Variants in SYBU observed in about 807,000 individuals in gnomAD.
The protein encoded by SYBU is syntabulin.
In SYBU, 21 loss-of-function variants were observed where a neutral mutation model predicts 35.9. The observed-to-expected ratio is 0.58, with a 90% CI of 0.41 to 0.84. SYBU has a LOEUF of 0.84. SYBU is among the 40% of genes least tolerant of loss of function. The pLI, the probability that SYBU is intolerant of heterozygous loss-of-function variation, is 0.00. For missense variants in SYBU, 768 were observed against 848.2 expected, an observed-to-expected ratio of 0.91 and a Z score of 1.17; for synonymous variants, 319 against 324.3, an observed-to-expected ratio of 0.98 and a Z score of 0.18.
At chr8:109,604,495 A>G (rs1421969191) in intron 3 of SYBU, among the ~76,000 whole-genome samples, 1 of 152,220 alleles carries the variant, frequency 6.6e-6, no homozygotes, top group Non-Finnish European at 1.5e-5. Context: ...TGCCTAGCAC[A>G]TTAATAAACA....
intron 3 of SYBU, among the ~76,000 whole-genome samples, chr8:109,609,294 T>C (rs1448733262): frequency 6.6e-6 from 1 of 152,212 alleles, no homozygotes; most frequent in Non-Finnish European, 1.5e-5. Context: ...CTAATTTTGC[T>C]TCCCTTTGGA....
intron 3 of SYBU, among the ~76,000 whole-genome samples, chr8:109,614,080 C>T (rs1033751430): frequency 3.3e-5 from 5 of 152,192 alleles, no homozygotes; most frequent in South Asian, 2.1e-4. Context: ...GTGACCCTAA[C>T]CATTTGCTCT....
chr8:109,671,328 T>C (rs1240143682), intron 1 of SYBU, among the ~76,000 whole-genome samples: 2 of 152,202 alleles, frequency 1.3e-5, no homozygotes, highest in African/African-American at 2.4e-5. Context: ...TATTCATTAT[T>C]CATGCCATTA....
chr8:109,662,127 C>A (rs141484032), intron 1 of SYBU, among the ~76,000 whole-genome samples: 1 of 152,276 alleles, frequency 6.6e-6, no homozygotes, highest in Non-Finnish European at 1.5e-5. Flanking sequence ...AAGAGAATAG[C>A]ATAGATGTTA....
intron 5 of SYBU, 22 bp downstream of exon 5, chr8:109,579,777 G>A (rs1051497323): frequency 1.2e-6 from 2 of 1,603,880 alleles, no homozygotes; most frequent in Non-Finnish European, 1.7e-6. Context: ...TAAGATGCAT[G>A]AATTAGGTGA....
chr8:109,629,627 C>A (rs1047432421), intron 2 of SYBU, among the ~76,000 whole-genome samples: 12 of 152,038 alleles, frequency 7.9e-5, no homozygotes, highest in Admixed American at 7.2e-4. Flanking sequence ...GTCTTTATAG[C>A]AGCATGATTT....
At chr8:109,610,566 C>T (rs933012854) in intron 3 of SYBU, among the ~76,000 whole-genome samples, 29 of 152,212 alleles carry the variant, frequency 1.9e-4, no homozygotes, top group Non-Finnish European at 3.8e-4. Context: ...TCCACTTGAC[C>T]GCAGTCGGCA....
chr8:109,597,587 C>T (rs1237849912), intron 3 of SYBU, among the ~76,000 whole-genome samples: 2 of 151,398 alleles, frequency 1.3e-5, no homozygotes, highest in Non-Finnish European at 1.5e-5. Flanking sequence ...TGGTGGCATG[C>T]GCTTATAGTC....
intron 1 of SYBU, among the ~76,000 whole-genome samples, chr8:109,669,788 T>G (rs1258190261): frequency 6.6e-6 from 1 of 152,232 alleles, no homozygotes; most frequent in Non-Finnish European, 1.5e-5. Context: ...ATTCCTTGAT[T>G]ACAATTGTCT....
chr8:109,575,700 T>G lies in SYBU; in HGVS notation c.1198A>C (p.Ser400Arg), dbSNP rs763570052. 2 of 1,614,082 alleles carry G rather than the reference T, an allele frequency of 1.2e-6. No individual in the cohort carries two copies. The highest frequency in any genetic ancestry group is 3.3e-5 in the Admixed American group (2 of 60,010). The change falls in exon 7 of 7, where the codon AGC becomes CGC. Residue 400 changes from serine to arginine, a missense_variant. Coordinates refer to ENST00000276646, the MANE Select transcript of SYBU (RefSeq NM_001099754.2). ...TCAAGAGGGGGGTTGAGGGTTAAGC[T>G]CTTCTCTGGGGAATCACATGGAAAG... is the stretch of plus-strand genomic sequence containing the variant. Reference protein sequence around the residue: ...LDFPCDSPEKSLTLNPPLDTM... With the variant: ...LDFPCDSPEKRLTLNPPLDTM...
At chr8:109,646,497 T>G (rs773658007), upstream of SYBU, 1 of 152,202 alleles carries the variant, frequency 6.6e-6, no homozygotes, top group Non-Finnish European at 1.5e-5. Flanking sequence ...AGCAGTGAGG[T>G]TGGTAATTTT....
intron 1 of SYBU, 104 bp from the exon 2 acceptor site, chr8:109,643,036 A>C: frequency 6.9e-7 from 1 of 1,451,238 alleles, no homozygotes; most frequent in South Asian, 1.5e-5. Flanking sequence ...CACATTTCTG[A>C]GTATTGAGTC....
chr8:109,619,989 T>C (rs1424639644), intron 2 of SYBU, among the ~76,000 whole-genome samples: 1 of 152,228 alleles, frequency 6.6e-6, no homozygotes, highest in East Asian at 1.9e-4. Context: ...AGGGTGATTA[T>C]ATTAAGTTAA....
chr8:109,593,830 C>A (rs932250543), intron 3 of SYBU, among the ~76,000 whole-genome samples: 1 of 152,204 alleles, frequency 6.6e-6, no homozygotes, highest in Non-Finnish European at 1.5e-5. Context: ...CAACGGGCAG[C>A]CCTTCCCCCA....
At position 109,577,264 on chromosome 8, in the gene SYBU, C is replaced by T. The variant is rs111401087; in HGVS notation, c.884+604G>A. On this transcript the variant is annotated intron_variant, in intron 6 of 6. Coordinates refer to ENST00000276646, the MANE Select transcript of SYBU (RefSeq NM_001099754.2). ...CTGGTCAGAGCTTTCCTGGTCTGTT[C>T]CAAAATGTTCCAGGGGAAAATGATC... Among the ~76,000 whole-genome samples, 284 of 152,196 alleles carry T rather than the reference C, an allele frequency of 1.9e-3. 3 individuals carry two copies. Among genetic ancestry groups the T allele is most frequent in the African/African-American group, 6.6e-3 (272 of 41,500 alleles).
rs1426449447 is a variant in SYBU, at chr8:109,691,394, G to A, written c.-119C>T. ...GGAGGAGGCACCTACGTGCGCCCGGGAGACCGGGCCCCGGCTGGGCCGGGT... is the reference window on the plus strand; with the variant it reads ...GGAGGAGGCACCTACGTGCGCCCGGAAGACCGGGCCCCGGCTGGGCCGGGT... On this transcript the variant is annotated 5_prime_UTR_variant, in exon 1 of 8. Coordinates refer to the SYBU transcript ENST00000422135. This position sits in a 1 kb window ranked among gnomAD's most constrained non-coding sequence, Gnocchi z 4.7. The A allele has an allele frequency of 2.9e-6, 2 of 692,714 alleles. No homozygotes were observed. Among genetic ancestry groups the A allele is most frequent in the African/African-American group, 1.8e-5 (1 of 55,582 alleles). The allele number at this position is 692,714 out of a possible 1,614,324, so 42.9% of individuals were successfully genotyped here.
At position 109,618,967 on chromosome 8, in the gene SYBU, A is replaced by G. The variant is rs767020635; in HGVS notation, c.302T>C (p.Ile101Thr). 3 of 1,614,168 alleles carry G rather than the reference A, an allele frequency of 1.9e-6. No homozygotes were observed. Among genetic ancestry groups the G allele is most frequent in the South Asian group, 2.2e-5 (2 of 91,084 alleles). The change falls in exon 3 of 7, where the codon ATT becomes ACT. Residue 101 changes from isoleucine (I) to threonine (T), a missense_variant. Transcript: ENST00000276646. Reference protein sequence around the residue: ...KTPSDAGNSPIGFCPGSDEGF... With the variant: ...KTPSDAGNSPTGFCPGSDEGF... ...TTCATCACTTCCAGGGCAAAAGCCA[A>G]TGGGGCTGTTTCCAGCATCTGAGGG... is the stretch of plus-strand genomic sequence containing the variant.
intron 3 of SYBU, among the ~76,000 whole-genome samples, chr8:109,602,197 A>G (rs561133694): frequency 1.1e-4 from 16 of 152,326 alleles, no homozygotes; most frequent in African/African-American, 2.9e-4. Context: ...GTTAAACATT[A>G]AAAAACACCT....
chr8:109,654,324 T>C (rs1816272424), intron 1 of SYBU, among the ~76,000 whole-genome samples: 1 of 152,198 alleles, frequency 6.6e-6, no homozygotes, highest in East Asian at 1.9e-4. Flanking sequence ...TCACAAATTC[T>C]TCCATTTGGT....
Sources: allele counts gnomAD v4.1 joint callset (sites outside exome capture counted in the v4.1 genomes callset), GRCh38; gene constraint gnomAD v4.1.1; non-coding constraint Gnocchi (gnomAD v3.1); transcripts MANE v1.5; gene names NCBI Gene and HGNC (gene_info 2026-07-23, HGNC 2026-07-21).